DRGX: variants seen among roughly 807,000 people sequenced by gnomAD.
DRGX encodes the protein dorsal root ganglia homeobox protein.
DRGX carries 21 observed loss-of-function variants against 28.6 expected under a neutral mutation model. The observed-to-expected ratio is 0.73, with a 90% CI of 0.52 to 1.06. The LOEUF is 1.06. Ranked by LOEUF, DRGX falls within the 50% of genes least tolerant of loss-of-function variation. The pLI, the probability that DRGX is intolerant of heterozygous loss-of-function variation, is 0.00. For missense variants in DRGX, 354 were observed against 343.9 expected (o/e 1.03, Z -0.23); for synonymous variants, 136 against 139.1 (o/e 0.98, Z 0.16).
intron 6 of DRGX, among the ~76,000 whole-genome samples, chr10:49,370,372 T>G (rs1352004335): frequency 6.6e-6 from 1 of 152,090 alleles, no homozygotes; most frequent in Non-Finnish European, 1.5e-5. Context: ...GCCACTGCAC[T>G]CCAGTCTGGG....
Position 49,378,731 on chromosome 10 carries a change from A to C in DRGX, c.526+7747T>G, listed in dbSNP as rs146237756. On this transcript the variant is annotated intron_variant, in intron 6 of 6. Coordinates refer to ENST00000374139, the MANE Select transcript of DRGX (RefSeq NM_001276451.2). ...GAATAGACAAACTGTCTTTATAGAC[A>C]TGCTTGTGTACCTACAATATCATAA... is the stretch of plus-strand genomic sequence containing the variant. Among the ~76,000 whole-genome samples, 259 of 152,366 alleles carry C rather than the reference A, an allele frequency of 1.7e-3. 2 individuals carry two copies. The highest frequency in any genetic ancestry group is 6.1e-3 in the African/African-American group (253 of 41,588).
chr10:49,365,187 G>T lies in DRGX; in HGVS notation c.*929C>A, dbSNP rs1169804735. 6.6e-6 allele frequency: 1 copy of T among 152,164 alleles called. No homozygotes were observed. Among genetic ancestry groups the T allele is most frequent in the Non-Finnish European group, 1.5e-5 (1 of 68,050 alleles). The allele number at this position is 152,164 out of a possible 1,614,324, so 9.4% of individuals were successfully genotyped here. A position where few individuals can be genotyped will look rare whatever the true frequency, so the allele number is the denominator to read the frequency against. On this transcript the variant is annotated 3_prime_UTR_variant, in exon 7 of 7. Coordinates refer to ENST00000374139, the MANE Select transcript of DRGX (RefSeq NM_001276451.2). ...CACCACTGAAGAGCCCCCTCTACGT[G>T]CCAGGCATGTGGGGAAAGGTAGTTC...
chr10:49,386,994 A>G, intron 4 of DRGX, 136 bp from the exon 5 acceptor site: 2 of 982,646 alleles, frequency 2.0e-6, no homozygotes, highest in South Asian at 5.0e-5. Flanking sequence ...CTGCAGCGTC[A>G]GGCCCACAGA....
intron 6 of DRGX, among the ~76,000 whole-genome samples, chr10:49,382,382 C>G (rs1391344693): frequency 6.6e-6 from 1 of 152,130 alleles, no homozygotes; most frequent in Non-Finnish European, 1.5e-5. Context: ...TGCTAGTCCC[C>G]GAGTTGGCTA....
At chr10:49,375,850 T>TC (rs1310419093) in intron 6 of DRGX, among the ~76,000 whole-genome samples, 1 of 152,060 alleles carries the variant, frequency 6.6e-6, no homozygotes, top group East Asian at 1.9e-4. Flanking sequence ...CCTCCCTCCT[T>TC]CCAGCAGCAG....
intron 6 of DRGX, among the ~76,000 whole-genome samples, chr10:49,372,539 A>G (rs950295599): frequency 6.6e-6 from 1 of 152,194 alleles, no homozygotes; most frequent in African/African-American, 2.4e-5. Flanking sequence ...ATCCTCAAAC[A>G]ATTATTTCCA....
chr10:49,387,265 T>G (rs1158839756), intron 4 of DRGX, among the ~76,000 whole-genome samples: 2 of 152,214 alleles, frequency 1.3e-5, no homozygotes, highest in East Asian at 3.8e-4. Flanking sequence ...AGCTGTGGCC[T>G]GGGTACCTGG....
intron 6 of DRGX, among the ~76,000 whole-genome samples, chr10:49,385,851 G>A (rs927898788): frequency 3.9e-5 from 6 of 152,080 alleles, no homozygotes; most frequent in Non-Finnish European, 8.8e-5. Context: ...ATCACTGAAG[G>A]AATAGGTTTG....
rs114501792 is a variant in DRGX, at chr10:49,370,983, C to A, written c.527-4602G>T. Among the ~76,000 whole-genome samples, 893 of 152,310 alleles carry A rather than the reference C, an allele frequency of 5.9e-3. 10 individuals are homozygous for A. Among genetic ancestry groups the A allele is most frequent in the African/African-American group, 0.02 (842 of 41,544 alleles). ...CACACCCTGCCTTATGTCTCCCATC[C>A]ACAGACACCTCTGTCATCACCCTAA... On this transcript the variant is annotated intron_variant, in intron 6 of 6. Transcript: ENST00000374139.
chr10:49,385,792 G>A (rs148123072), intron 6 of DRGX, among the ~76,000 whole-genome samples: 21 of 151,828 alleles, frequency 1.4e-4, no homozygotes, highest in African/African-American at 1.9e-4. Context: ...TCCCCCAGAC[G>A]CACGCTGGGG....
chr10:49,377,378 C>A (rs960450503), intron 6 of DRGX, among the ~76,000 whole-genome samples: 2 of 152,230 alleles, frequency 1.3e-5, no homozygotes, highest in African/African-American at 4.8e-5. Flanking sequence ...GCCAGCATAA[C>A]CTTGATACCT....
At chr10:49,378,532 G>T (rs139968222) in intron 6 of DRGX, among the ~76,000 whole-genome samples, 2 of 152,202 alleles carry the variant, frequency 1.3e-5, no homozygotes, top group Non-Finnish European at 2.9e-5. Flanking sequence ...TTACTGAATT[G>T]TACACTTTAA....
At chr10:49,389,585 C>T (rs1474716216) in intron 4 of DRGX, among the ~76,000 whole-genome samples, 1 of 152,140 alleles carries the variant, frequency 6.6e-6, no homozygotes, top group Non-Finnish European at 1.5e-5. Flanking sequence ...ACGGTCACCG[C>T]GGGCCATACT....
At chr10:49,386,981 G>T in intron 4 of DRGX, 123 bp from the exon 5 acceptor site, 3 of 1,153,786 alleles carry the variant, frequency 2.6e-6, no homozygotes, top group Non-Finnish European at 3.5e-6. Flanking sequence ...CATGCCCTCT[G>T]AACTGCAGCG....
intron 6 of DRGX, among the ~76,000 whole-genome samples, chr10:49,381,690 A>G (rs1849778306): frequency 6.6e-6 from 1 of 152,210 alleles, no homozygotes; most frequent in Non-Finnish European, 1.5e-5. Context: ...GCCCTGGGGC[A>G]TTGGGAACCC....
Position 49,386,586 on chromosome 10 carries a change from C to G in DRGX, c.418G>C (p.Gly140Arg), listed in dbSNP as rs1380121033. ...GGCCCTGCAGGACCTACCGTTCGCC[C>G]CAGGCTGGCAAAGGAAGGAGATCAT... ...KEALEAQQSL[G>R]RTVGPAGPFF... The change falls in exon 6 of 7, where the codon GGG (glycine) becomes CGG (arginine). Residue 140 changes from glycine to arginine, a missense_variant. Gly to Arg is a moderately radical substitution (Grantham distance 125). Transcript: ENST00000374139. The G allele has an allele frequency of 1.9e-6, 3 of 1,594,318 alleles. No individual in the cohort carries two copies. The highest frequency in any genetic ancestry group is 1.7e-6 in the Non-Finnish European group (2 of 1,170,410).
At chr10:49,386,431 C>T in intron 6 of DRGX, 47 bp downstream of exon 6, 1 of 1,463,702 alleles carries the variant, frequency 6.8e-7, no homozygotes, top group African/African-American at 1.4e-5. Context: ...CAAACTCCAC[C>T]AACCCCATGA....
intron 4 of DRGX, among the ~76,000 whole-genome samples, chr10:49,387,071 T>C (rs968361800): frequency 6.6e-6 from 1 of 152,338 alleles, no homozygotes; most frequent in South Asian, 2.1e-4. Context: ...TAATGGAAAG[T>C]ATCCGAATGC....
intron 6 of DRGX, among the ~76,000 whole-genome samples, chr10:49,377,837 A>G (rs1378785620): frequency 6.6e-6 from 1 of 152,226 alleles, no homozygotes; most frequent in Non-Finnish European, 1.5e-5. Context: ...AACAGTTGCT[A>G]TTTTATAATA....
Sources: gnomAD v4.1 joint callset for allele counts (sites outside exome capture counted in the v4.1 genomes callset) on GRCh38, gnomAD v4.1.1 for gene constraint, MANE v1.5 for transcripts, NCBI Gene and HGNC (gene_info 2026-07-23, HGNC 2026-07-21) for gene names.